Variants in GRIA2 observed in about 807,000 individuals in gnomAD.
The protein encoded by GRIA2 is glutamate ionotropic receptor AMPA type subunit 2, also known as glutamate receptor 2.
A neutral mutation model predicts 97.3 loss-of-function variants in GRIA2; 14 were observed. The observed-to-expected ratio is 0.14, with a 90% CI of 0.10 to 0.23. The LOEUF (loss-of-function observed/expected upper bound fraction) is 0.23, where lower values mean the gene tolerates loss of function less well. Among genes scored for constraint, GRIA2 ranks in the 10% least tolerant of loss-of-function variants. GRIA2 has a pLI of 1.00. For synonymous variants in GRIA2, 412 were observed against 387.8 expected (o/e 1.06, Z -0.73); for missense variants, 558 against 1,069.8 (o/e 0.52, Z 6.67).
chr4:157,245,291 A>T (rs902346782), intron 2 of GRIA2, among the ~76,000 whole-genome samples: 2 of 152,072 alleles, frequency 1.3e-5, no homozygotes, highest in Non-Finnish European at 2.9e-5. Context: ...TTCTGCTGCC[A>T]GGTTCAATCT....
chr4:157,347,099 C>A (rs951789976), intron 12 of GRIA2, among the ~76,000 whole-genome samples: 1 of 151,998 alleles, frequency 6.6e-6, no homozygotes, highest in African/African-American at 2.4e-5. Context: ...GTTTAAGGAC[C>A]GTGCAGCTCA....
chr4:157,277,764 A>C (rs528806792), intron 2 of GRIA2, among the ~76,000 whole-genome samples: 9 of 148,522 alleles, frequency 6.1e-5, no homozygotes, highest in Middle Eastern at 3.5e-3. Flanking sequence ...TAAAAATACA[A>C]CCCCCCACGA....
intron 4 of GRIA2, 65 bp from the exon 5 acceptor site, chr4:157,317,593 A>G (rs1734380157): frequency 2.9e-6 from 2 of 679,160 alleles, no homozygotes; most frequent in Admixed American, 4.5e-5. Context: ...TCAGATCATA[A>G]TACCATTAAT....
At chr4:157,221,339 C>G (rs1479801990) in intron 1 of GRIA2, 5 of 560,930 alleles carry the variant, frequency 8.9e-6, no homozygotes. Flanking sequence ...AAGGTCCTCT[C>G]ATTTCGGATC....
intron 12 of GRIA2, among the ~76,000 whole-genome samples, chr4:157,348,896 A>G (rs1024570936): frequency 2.0e-5 from 3 of 152,256 alleles, no homozygotes; most frequent in African/African-American, 7.2e-5. Flanking sequence ...CTGATGATAC[A>G]AATATGAAAT....
At chr4:157,292,027 A>G (rs1733128893) in intron 2 of GRIA2, among the ~76,000 whole-genome samples, 1 of 152,056 alleles carries the variant, frequency 6.6e-6, no homozygotes, top group African/African-American at 2.4e-5. Flanking sequence ...ACTACTGAGA[A>G]TCATAAAACA....
At chr4:157,290,153 C>G (rs950251258) in intron 2 of GRIA2, among the ~76,000 whole-genome samples, 1 of 151,788 alleles carries the variant, frequency 6.6e-6, no homozygotes, top group Admixed American at 6.6e-5. Context: ...TTTCCCAAAG[C>G]ATTTTTAAAA....
At chr4:157,341,098 T>A (rs1164685624) in intron 11 of GRIA2, among the ~76,000 whole-genome samples, 166 bp from the exon 12 acceptor site, 1 of 152,136 alleles carries the variant, frequency 6.6e-6, no homozygotes, top group Non-Finnish European at 1.5e-5. Context: ...TCTGTACTCC[T>A]TGCCCAAAAT....
intron 2 of GRIA2, among the ~76,000 whole-genome samples, chr4:157,301,423 T>G (rs1010693717): frequency 6.6e-6 from 1 of 152,202 alleles, no homozygotes; most frequent in Admixed American, 6.5e-5. Flanking sequence ...ATAAATGTAA[T>G]GAAATGCATT....
At chr4:157,257,346 C>T (rs575781857) in intron 2 of GRIA2, among the ~76,000 whole-genome samples, 3 of 152,012 alleles carry the variant, frequency 2.0e-5, no homozygotes, top group Non-Finnish European at 4.4e-5. Context: ...TTATTTTGCT[C>T]TTTCACACCA....
intron 9 of GRIA2, 137 bp from the exon 10 acceptor site, chr4:157,335,534 A>G (rs537557579): frequency 1.1e-5 from 7 of 632,924 alleles, no homozygotes; most frequent in African/African-American, 1.8e-5. Context: ...TTATTCCTCT[A>G]CTGTTGTGTG....
chr4:157,220,656 G>GTGTGTGCGTGTGTGTA (rs1729445884), upstream of GRIA2: 2 of 6,274 alleles, frequency 3.2e-4, no homozygotes, highest in Middle Eastern at 0.045. Flanking sequence ...GTGTGTATGT[G>GTGTGTGCGTGTGTGTA]TGTGTGTGTG....
intron 2 of GRIA2, among the ~76,000 whole-genome samples, chr4:157,230,871 A>C (rs570405217): frequency 4.0e-5 from 6 of 151,660 alleles, no homozygotes; most frequent in African/African-American, 1.5e-4. Flanking sequence ...TTTATTTCTT[A>C]GCGAAAGGGT....
rs183089462 is a variant in GRIA2 at position 157,320,690 on chromosome 4, G to T, written c.721-748G>T. On this transcript the variant is annotated intron_variant, in intron 5 of 15. Transcript: ENST00000264426. ...AATTTAGGATACTTTTAACTTTTGT[G>T]TACAATAAGATAAATATTTGTGAAA... Among the ~76,000 whole-genome samples, 15 of 152,050 alleles carry T rather than the reference G, an allele frequency of 9.9e-5. No homozygotes were observed. In the East Asian group the frequency reaches 1.5e-3, roughly 16 times the overall value.
At chr4:157,302,176 C>CAAAA (rs1209652829) in intron 2 of GRIA2, among the ~76,000 whole-genome samples, 1 of 67,086 alleles carries the variant, frequency 1.5e-5, no homozygotes, top group African/African-American at 5.3e-5. Flanking sequence ...GACTGTGTCT[C>CAAAA]AAAAAAAAAA....
At chr4:157,338,107 CT>C (rs989437943) in intron 11 of GRIA2, among the ~76,000 whole-genome samples, 2 of 144,458 alleles carry the variant, frequency 1.4e-5, no homozygotes, top group African/African-American at 2.6e-5. Flanking sequence ...TTTATCATCT[CT>C]GTATTTAGTT....
intron 2 of GRIA2, among the ~76,000 whole-genome samples, chr4:157,290,534 A>G (rs1733048703): frequency 6.6e-6 from 1 of 151,408 alleles, no homozygotes; most frequent in African/African-American, 2.4e-5. Context: ...ATTACCCTAG[A>G]AGGAACTAGT....
At chr4:157,300,626 G>A (rs1255224767) in intron 2 of GRIA2, among the ~76,000 whole-genome samples, 3 of 152,182 alleles carry the variant, frequency 2.0e-5, no homozygotes, top group Non-Finnish European at 4.4e-5. Flanking sequence ...ATGGACACTT[G>A]AGTAAGTGCA....
intron 2 of GRIA2, among the ~76,000 whole-genome samples, chr4:157,235,014 A>G (rs544800199): frequency 6.6e-6 from 1 of 152,074 alleles, no homozygotes; most frequent in Admixed American, 6.6e-5. Flanking sequence ...ATGTTGCCTT[A>G]TATTGCAGTA....
Sources: allele counts gnomAD v4.1 joint callset (sites outside exome capture counted in the v4.1 genomes callset), GRCh38; gene constraint gnomAD v4.1.1; transcripts MANE v1.5; gene names NCBI Gene and HGNC (gene_info 2026-07-23, HGNC 2026-07-21).